Variants in PEX6 observed in about 807,000 individuals in gnomAD.
The protein encoded by PEX6 is peroxisomal biogenesis factor 6.
A neutral mutation model predicts 85.6 loss-of-function variants in PEX6; 55 were observed. The ratio of observed to expected loss-of-function variants is 0.64; its 90% confidence interval spans 0.52 to 0.80. The LOEUF (loss-of-function observed/expected upper bound fraction) is 0.80. Ranked by LOEUF, PEX6 falls within the 30% of genes least tolerant of loss-of-function variation. The pLI, the probability that PEX6 is intolerant of heterozygous loss-of-function variation, is 0.00. For synonymous variants in PEX6, 519 were observed against 549.1 expected, an observed-to-expected ratio of 0.95 and a Z score of 0.77; for missense variants, 1,099 against 1,260.3, an observed-to-expected ratio of 0.87 and a Z score of 1.94.
Position 42,978,650 on chromosome 6 carries a change from A to C in PEX6, c.501T>G (p.Cys167Trp). The change falls in exon 1 of 17, where the codon TGT (cysteine) becomes TGG (tryptophan). Residue 167 changes from cysteine (C) to tryptophan (W), a missense_variant. Transcript: ENST00000304611. ...GCCGACTGCTGTCCCCAGACTCTGG[A>C]CACAGTCTGGCCCGCCCGCGGAGCT... The part of the protein sequence containing the change: ...VTELRGRARL[C>W]PESGDSSRPP... 1 of 1,576,548 alleles carries C rather than the reference A, an allele frequency of 6.3e-7. No individual in the cohort carries two copies. Among genetic ancestry groups the C allele is most frequent in the Non-Finnish European group, 8.6e-7 (1 of 1,167,772 alleles).
At chr6:42,974,143 A>G (rs1327384926) in intron 2 of PEX6, 57 bp from the exon 3 acceptor site, 1 of 1,316,886 alleles carries the variant, frequency 7.6e-7, no homozygotes, top group Non-Finnish European at 1.1e-6. Flanking sequence ...GCATGTGTTC[A>G]TTACCACATG....
chr6:42,972,479 A>G (rs949517645), intron 3 of PEX6, among the ~76,000 whole-genome samples: 4 of 152,180 alleles, frequency 2.6e-5, no homozygotes, highest in African/African-American at 9.7e-5. Context: ...CAAAAACAAT[A>G]GAAATCCCTG....
chr6:42,964,644 G>A lies in PEX6; in HGVS notation c.2806+146C>T, dbSNP rs551023879. 3.2e-6 allele frequency: 4 copies of A among 1,261,914 alleles called. No individual in the cohort carries two copies. The South Asian group carries it at 3.7e-5, about 12-fold the overall frequency. 78.2% of individuals were successfully genotyped at this position (1,261,914 alleles called of 1,614,324 possible). ...TCCCTTAAACATTTTTTTTAGAGTT[G>A]GGGTCTCTCTGTGTTGCCCAGGCTG... On this transcript the variant is annotated intron_variant, in intron 16 of 16. Transcript: ENST00000304611. The surrounding 1 kb of genome is among the most constrained non-coding windows in gnomAD (Gnocchi z 4.6).
At position 42,965,066 on chromosome 6, in the gene PEX6, A is replaced by G. The variant is rs759681405; in HGVS notation, c.2666+9T>C. On this transcript the variant is annotated intron_variant, in intron 15 of 16. Coordinates refer to ENST00000304611, the MANE Select transcript of PEX6 (RefSeq NM_000287.4). The surrounding 1 kb of genome is among the most constrained non-coding windows in gnomAD (Gnocchi z 5.0). ...AAGCCCTTCGCAGTCTTCCTCTAAC[A>G]GAGCATACTTGCGTGTGATGGCACT... 34 of 1,613,976 alleles carry G rather than the reference A, an allele frequency of 2.1e-5. No individual in the cohort carries two copies. The highest frequency in any genetic ancestry group is 5.1e-6 in the Non-Finnish European group (6 of 1,179,904).
chr6:42,975,448 T>C (rs1007545778), intron 1 of PEX6, among the ~76,000 whole-genome samples: 1 of 152,208 alleles, frequency 6.6e-6, no homozygotes, highest in Admixed American at 6.5e-5. Flanking sequence ...AGTCATTGGT[T>C]GGTTCAATGA....
In PEX6 at chr6:42,965,619, G is replaced by A; in HGVS notation, c.2471+62C>T. On this transcript the variant is annotated intron_variant, in intron 13 of 16. Transcript: ENST00000304611. This position sits in a 1 kb window ranked among gnomAD's most constrained non-coding sequence, Gnocchi z 5.0. ...ATCTCTGGACTCTGAAGACTGCTGT[G>A]AGCTTTCTCATATCCTTCCCACCCT... 8.5e-7 allele frequency: 1 copy of A among 1,175,546 alleles called. No individual in the cohort carries two copies. Among genetic ancestry groups the A allele is most frequent in the Non-Finnish European group, 1.3e-6 (1 of 779,704 alleles). The allele number at this position is 1,175,546 out of a possible 1,614,324, so 72.8% of individuals were successfully genotyped here.
intron 7 of PEX6, 110 bp from the exon 8 acceptor site, chr6:42,967,673 G>T: frequency 1.1e-6 from 1 of 934,674 alleles, no homozygotes; most frequent in Non-Finnish European, 1.7e-6. Flanking sequence ...TGGGTGCTAG[G>T]ATGGGGTAGG....
At position 42,969,651 on chromosome 6, in the gene PEX6, G is replaced by A; in HGVS notation, c.1367+17C>T. 1 of 1,612,172 alleles carries A rather than the reference G, an allele frequency of 6.2e-7. No individual in the cohort carries two copies. Among genetic ancestry groups the A allele is most frequent in the Non-Finnish European group, 8.5e-7 (1 of 1,179,816 alleles). On this transcript the variant is annotated intron_variant, in intron 5 of 16. Transcript: ENST00000304611. ...AAGCAGGCTTTTCTCACACCCTGGG[G>A]TGATGACCTCACTCACCCTGGCTGG...
intron 1 of PEX6, among the ~76,000 whole-genome samples, chr6:42,976,626 G>A (rs965109900): frequency 6.6e-6 from 1 of 151,800 alleles, no homozygotes; most frequent in Admixed American, 6.6e-5. Context: ...GCCTCCCAAA[G>A]TGCTGGGATT....
chr6:42,965,100 G>A lies in PEX6; in HGVS notation c.2641C>T (p.Arg881Cys), dbSNP rs756846188. The change falls in exon 15 of 17, where the codon CGC becomes TGC. Residue 881 changes from arginine to cysteine, a missense_variant. Transcript: ENST00000304611. This position sits in a 1 kb window ranked among gnomAD's most constrained non-coding sequence, Gnocchi z 5.0. ...GANEDRASQL[R>C]VLSAITRKFK... is the part of the protein sequence containing the mutation. ...TTGCGTGTGATGGCACTTAGAACGC[G>A]TAGCTGGGAGGCCCGGTCCTCATTT... is the stretch of plus-strand genomic sequence containing the variant. 2.5e-6 allele frequency: 4 copies of A among 1,614,214 alleles called. No individual in the cohort carries two copies. The highest frequency in any genetic ancestry group is 1.7e-5 in the Admixed American group (1 of 60,024).
Position 42,968,323 on chromosome 6 carries a change from C to G in PEX6, c.1655G>C (p.Arg552Pro). ...GGGGTCCTCATTGAGGAGGAGGTGA[C>G]GCAGCACAGCCATCACACGGGCATC... ...GEDARVMAVL[R>P]HLLLNEDPLN... Residue 552 changes from arginine (R) to proline (P), a missense_variant, in exon 7 of 17, where the codon CGT (arginine) becomes CCT (proline). Arg to Pro is a moderately radical substitution (Grantham distance 103). Around this residue, in one of 3 missense-constraint regions of PEX6, gnomAD observed 514 missense variants for 627.0 expected, o/e 0.82. Transcript: ENST00000304611. 1 of 1,614,100 alleles carries G rather than the reference C, an allele frequency of 6.2e-7. No individual in the cohort carries two copies. Among genetic ancestry groups the G allele is most frequent in the South Asian group, 1.1e-5 (1 of 91,086 alleles).
chr6:42,967,583 C>T lies in PEX6; in HGVS notation c.1689-20G>A. On this transcript the variant is annotated intron_variant, in intron 7 of 16. Coordinates refer to ENST00000304611, the MANE Select transcript of PEX6 (RefSeq NM_000287.4). The stretch of plus-strand genomic sequence containing the variant: ...GGGCAGCTGCAGACAGAGGAGTGGG[C>T]ACTGAGGGTGAGAACATGGCTGGCA... 2 of 1,583,954 alleles carry T rather than the reference C, an allele frequency of 1.3e-6. No individual in the cohort carries two copies. The highest frequency in any genetic ancestry group is 2.2e-4 in the Middle Eastern group (1 of 4,636).
chr6:42,969,462 G>A (rs1361325656), intron 5 of PEX6, among the ~76,000 whole-genome samples: 7 of 152,190 alleles, frequency 4.6e-5, no homozygotes, highest in Non-Finnish European at 1.0e-4. Context: ...AGCCCTGGAG[G>A]ACAGAGGTTA....
rs760575572 is a variant in PEX6, at chr6:42,965,768, G to T, written c.2384C>A (p.Ala795Glu). 1 of 1,613,968 alleles carries T rather than the reference G, an allele frequency of 6.2e-7. No individual in the cohort carries two copies. The highest frequency in any genetic ancestry group is 8.5e-7 in the Non-Finnish European group (1 of 1,179,900). The stretch of plus-strand genomic sequence containing the variant: ...ATCAAAGAAGATAATGCATGGAGCT[G>T]CAGCCCTGGCCCTGGCAAACACTGA... ...VREVFARARA[A>E]APCIIFFDEL... The change falls in exon 13 of 17, where the codon GCA (alanine) becomes GAA (glutamate). Residue 795 changes from alanine (A) to glutamate (E), a missense_variant. Coordinates refer to ENST00000304611, the MANE Select transcript of PEX6 (RefSeq NM_000287.4). This position sits in a 1 kb window ranked among gnomAD's most constrained non-coding sequence, Gnocchi z 5.0.
chr6:42,978,745 G>T lies in PEX6; in HGVS notation c.406C>A (p.Pro136Thr), dbSNP rs1200942780. 1.3e-6 allele frequency: 2 copies of T among 1,536,556 alleles called. No individual in the cohort carries two copies. The highest frequency in any genetic ancestry group is 8.7e-7 in the Non-Finnish European group (1 of 1,147,208). ...RRGETLPVPG[P>T]RVLETRPALQ... ...GCCGGCCGCGTCTCCAGCACCCGCG[G>T]TCCGGGCACTGGGAGGGTCTCTCCG... is the stretch of plus-strand genomic sequence containing the variant. The change falls in exon 1 of 17, where the codon CCG becomes ACG. Residue 136 changes from proline (P) to threonine (T), a missense_variant. This residue lies in a region of PEX6 where 579 missense variants were observed against 611.6 expected (regional missense o/e 0.95). Coordinates refer to ENST00000304611, the MANE Select transcript of PEX6 (RefSeq NM_000287.4).
chr6:42,968,535 G>C lies in PEX6; in HGVS notation c.1480-37C>G, dbSNP rs1325573307. ...ATCCCAATGGGTCTGTGAGCAAGGG[G>C]AAAGCATGACAAGGGCAGGAGAATC... On this transcript the variant is annotated intron_variant, in intron 6 of 16. Coordinates refer to ENST00000304611, the MANE Select transcript of PEX6 (RefSeq NM_000287.4). The C allele has an allele frequency of 4.6e-6, 7 of 1,518,488 alleles. No individual in the cohort carries two copies. In the South Asian group the frequency reaches 7.2e-5, roughly 16 times the overall value. The allele number at this position is 1,518,488 out of a possible 1,614,324, so 94.1% of individuals were successfully genotyped here.
Position 42,966,662 on chromosome 6 carries a change from A to C in PEX6, c.1962-5T>G, listed in dbSNP as rs959913766. ...TCAGTCAAGCCACCTGCCAAACTGC[A>C]AAGAGGAACACAGGGAAGCCTCCTC... On this transcript the variant is annotated splice_region_variant and splice_polypyrimidine_tract_variant and intron_variant, in intron 9 of 16. Coordinates refer to ENST00000304611, the MANE Select transcript of PEX6 (RefSeq NM_000287.4). 3 of 1,614,026 alleles carry C rather than the reference A, an allele frequency of 1.9e-6. No individual in the cohort carries two copies. In the African/African-American group the frequency reaches 4.0e-5, roughly 22 times the overall value.
At position 42,974,918 on chromosome 6, in the gene PEX6, C is replaced by T; in HGVS notation, c.1003G>A (p.Gly335Arg). 1 of 1,614,012 alleles carries T rather than the reference C, an allele frequency of 6.2e-7. No homozygotes were observed. Among genetic ancestry groups the T allele is most frequent in the Non-Finnish European group, 8.5e-7 (1 of 1,179,960 alleles). Reference sequence around the variant, plus strand: ...CGGTAAAGAACACCGTCATAATTTCCATTAGTGCTGTAGTGGGGAGAAGAC... The same window carrying T: ...CGGTAAAGAACACCGTCATAATTTCTATTAGTGCTGTAGTGGGGAGAAGAC... ...IVSSPHYSTN[G>R]NYDGVLYRHF... The change falls in exon 2 of 17, where the codon GGA (glycine) becomes AGA (arginine). Residue 335 changes from glycine to arginine, a missense_variant. Physicochemically the swap from Gly to Arg is moderately radical, Grantham distance 125. This residue lies in a region of PEX6 where 579 missense variants were observed against 611.6 expected (regional missense o/e 0.95). Coordinates refer to ENST00000304611, the MANE Select transcript of PEX6 (RefSeq NM_000287.4).
In PEX6 at chr6:42,965,155, T is replaced by C; in HGVS notation, c.2589-3A>G. The stretch of plus-strand genomic sequence containing the variant: ...CCACAAACACCAGCTTGTCAAATCT[T>C]TAGGGAGATAGGCAGGTATAAGTTT... On this transcript the variant is annotated splice_polypyrimidine_tract_variant and splice_region_variant and intron_variant, in intron 14 of 16. Coordinates refer to ENST00000304611, the MANE Select transcript of PEX6 (RefSeq NM_000287.4). The surrounding 1 kb of genome is among the most constrained non-coding windows in gnomAD (Gnocchi z 5.0). 1 of 1,614,056 alleles carries C rather than the reference T, an allele frequency of 6.2e-7. No individual in the cohort carries two copies. The highest frequency in any genetic ancestry group is 1.1e-5 in the South Asian group (1 of 91,078).
Sources: allele counts gnomAD v4.1 joint callset (sites outside exome capture counted in the v4.1 genomes callset), GRCh38; gene constraint gnomAD v4.1.1; regional missense constraint gnomAD v4.1.1; non-coding constraint Gnocchi (gnomAD v3.1); transcripts MANE v1.5; gene names NCBI Gene and HGNC (gene_info 2026-07-23, HGNC 2026-07-21).